The following GPR19 variants were observed in gnomAD, a reference collection of about 807,000 sequenced individuals.
GPR19 encodes the protein probable G protein-coupled receptor 19.
Under a neutral mutation model 28.5 loss-of-function variants are expected in GPR19, and 14 were observed. That is an observed-to-expected ratio of 0.49 (90% CI 0.32 to 0.77). The LOEUF (loss-of-function observed/expected upper bound fraction) is 0.77. GPR19 is among the 30% of genes least tolerant of loss of function. GPR19 has a pLI of 0.03. For missense variants in GPR19, 409 were observed against 504.1 expected (o/e 0.81, Z 1.81); for synonymous variants, 173 against 184.1 (o/e 0.94, Z 0.49).
At chr12:12,690,524 T>C (rs1316663480) in intron 2 of GPR19, among the ~76,000 whole-genome samples, 1 of 152,220 alleles carries the variant, frequency 6.6e-6, no homozygotes, top group African/African-American at 2.4e-5. Flanking sequence ...TCTCTTTCTC[T>C]AGGAGACCAC....
At chr12:12,713,603 G>A in the GPR19 span, among the ~76,000 whole-genome samples, 1 of 152,014 alleles carries the variant, frequency 6.6e-6, no homozygotes, top group Non-Finnish European at 1.5e-5. Flanking sequence ...CAAGATCTTG[G>A]CTCACTGCAA....
At chr12:12,702,549 G>C in the GPR19 span, among the ~76,000 whole-genome samples, 21,366 of 152,142 alleles carry the variant, frequency 0.14, 1,922 homozygotes, top group East Asian at 0.31. Context: ...TTACGGTGAT[G>C]ACTCATTTTA....
In GPR19 at chr12:12,662,369, C is replaced by A; in HGVS notation, c.80G>T (p.Ser27Ile). ...CAGAGGTGTGGCTGTTTCAGTGCAG[C>A]TGCGGTTTTGGAGGGGCACCAGAAG... ...PTLLVPLQNR[S>I]CTETATPLPS... is the part of the protein sequence containing the mutation. Residue 27 changes from serine (S) to isoleucine (I), a missense_variant, in exon 4 of 4, where the codon AGC becomes ATC. Physicochemically the swap from Ser to Ile is moderately radical, Grantham distance 142. Coordinates refer to ENST00000651487, the MANE Select transcript of GPR19 (RefSeq NM_006143.3). 6.2e-7 allele frequency: 1 copy of A among 1,614,154 alleles called. No individual in the cohort carries two copies.
chr12:12,697,873 C>G (rs1350609724), upstream of GPR19, among the ~76,000 whole-genome samples: 1 of 152,112 alleles, frequency 6.6e-6, no homozygotes, highest in African/African-American at 2.4e-5. Context: ...GCTCCATTAT[C>G]TAGAGGTACT....
rs1279604837 is a variant in GPR19, at chr12:12,661,535, T to C, written c.914A>G (p.Tyr305Cys). 16 of 1,613,784 alleles carry C rather than the reference T, an allele frequency of 9.9e-6. No homozygotes were observed. The East Asian group carries it at 1.1e-4, about 11-fold the overall frequency. ...TGTGAAAACAAGGGAACTTTTCTTA[T>C]AGTCTTGTTCATGGGGGTGCCATAG... ...AQLWHPHEQD[Y>C]KKSSLVFTAI... Residue 305 changes from tyrosine to cysteine, a missense_variant, in exon 4 of 4, where the codon TAT becomes TGT. Tyr to Cys is a radical substitution (Grantham distance 194). Coordinates refer to ENST00000651487, the MANE Select transcript of GPR19 (RefSeq NM_006143.3). This position sits in a 1 kb window ranked among gnomAD's most constrained non-coding sequence, Gnocchi z 4.2.
At chr12:12,697,135 C>G (rs1946275994), upstream of GPR19, among the ~76,000 whole-genome samples, 2 of 100,740 alleles carry the variant, frequency 2.0e-5, no homozygotes, top group Admixed American at 3.3e-4. Flanking sequence ...TGATTTAAGA[C>G]TGACTCTTGA....
At chr12:12,676,782 G>A (rs1457231026) in intron 3 of GPR19, among the ~76,000 whole-genome samples, 1 of 152,190 alleles carries the variant, frequency 6.6e-6, no homozygotes, top group East Asian at 1.9e-4. Flanking sequence ...AAATTCTGAA[G>A]AAAACAATTT....
At chr12:12,676,345 A>T (rs74581040) in intron 3 of GPR19, among the ~76,000 whole-genome samples, 1 of 152,244 alleles carries the variant, frequency 6.6e-6, no homozygotes, top group South Asian at 2.1e-4. Context: ...CAGCTCTATG[A>T]GCAAAAAGTG....
the GPR19 span, among the ~76,000 whole-genome samples, chr12:12,714,394 C>G: frequency 6.6e-6 from 1 of 152,160 alleles, no homozygotes; most frequent in Non-Finnish European, 1.5e-5. Flanking sequence ...TGGGAGCTGG[C>G]GACGCTGGCG....
At chr12:12,701,885 C>T in the GPR19 span, among the ~76,000 whole-genome samples, 2 of 139,662 alleles carry the variant, frequency 1.4e-5, no homozygotes, top group African/African-American at 5.4e-5. Flanking sequence ...CATGGCATTG[C>T]ACTCCAGCCT....
In GPR19 at chr12:12,661,644, G is replaced by C. The variant is rs751796319; in HGVS notation, c.805C>G (p.Arg269Gly). The change falls in exon 4 of 4, where the codon CGG becomes GGG. Residue 269 changes from arginine to glycine, a missense_variant. Arg to Gly is a moderately radical substitution (Grantham distance 125, BLOSUM62 -2). Transcript: ENST00000651487. The surrounding 1 kb of genome is among the most constrained non-coding windows in gnomAD (Gnocchi z 4.2). ...ATCTTGATAGTTTTCACTTTTGTCC[G>C]AGGGACAATGTTCATTGTCCTCCTC... The part of the protein sequence containing the change: ...TVRRTMNIVP[R>G]TKVKTIKMFL... 1 of 1,613,528 alleles carries C rather than the reference G, an allele frequency of 6.2e-7. No homozygotes were observed. The highest frequency in any genetic ancestry group is 1.1e-5 in the South Asian group (1 of 91,062).
At chr12:12,675,739 C>T (rs1478252869) in intron 3 of GPR19, among the ~76,000 whole-genome samples, 1 of 152,112 alleles carries the variant, frequency 6.6e-6, no homozygotes, top group Non-Finnish European at 1.5e-5. Flanking sequence ...CACCTGATAG[C>T]CATCAAGGAA....
intron 2 of GPR19, among the ~76,000 whole-genome samples, chr12:12,692,128 T>C (rs1436259741): frequency 6.6e-6 from 1 of 152,210 alleles, no homozygotes; most frequent in African/African-American, 2.4e-5. Context: ...TCTTACTTTG[T>C]TGGTACTAAC....
chr12:12,716,581 T>C, the GPR19 span, among the ~76,000 whole-genome samples: 9 of 151,328 alleles, frequency 5.9e-5, no homozygotes, highest in African/African-American at 1.7e-4. Flanking sequence ...GCTACAAAGT[T>C]TATTAAGGGA....
At chr12:12,675,250 A>C (rs1377847959) in intron 3 of GPR19, among the ~76,000 whole-genome samples, 2 of 152,146 alleles carry the variant, frequency 1.3e-5, no homozygotes, top group African/African-American at 4.8e-5. Context: ...AAAGAGGGAT[A>C]AGTGGAGCCG....
At chr12:12,702,108 C>A in the GPR19 span, among the ~76,000 whole-genome samples, 3 of 151,794 alleles carry the variant, frequency 2.0e-5, no homozygotes, top group Non-Finnish European at 4.4e-5. Flanking sequence ...AATAAAGCTC[C>A]TCCCACTGAA....
the GPR19 span, among the ~76,000 whole-genome samples, chr12:12,706,322 C>T: frequency 6.6e-6 from 1 of 152,208 alleles, no homozygotes; most frequent in East Asian, 1.9e-4. Context: ...TCTCTTGGCT[C>T]TCCTCCACTC....
intron 3 of GPR19, among the ~76,000 whole-genome samples, chr12:12,668,216 TTAAAAAATGCCTA>T (rs1158111421): frequency 1.3e-5 from 2 of 152,238 alleles, no homozygotes; most frequent in Non-Finnish European, 2.9e-5. Context: ...GAAATTCTTT[TTAAAAAATGCCTA>T]TAAAGATGCA....
At chr12:12,697,594 C>T (rs10492236), upstream of GPR19, among the ~76,000 whole-genome samples, 13,440 of 152,188 alleles carry the variant, frequency 0.088, 696 homozygotes, top group East Asian at 0.18. Context: ...TTGAAGACTT[C>T]AACTTGTAAC....
Sources: allele counts gnomAD v4.1 joint callset (sites outside exome capture counted in the v4.1 genomes callset), GRCh38; gene constraint gnomAD v4.1.1; non-coding constraint Gnocchi (gnomAD v3.1); transcripts MANE v1.5; gene names NCBI Gene and HGNC (gene_info 2026-07-23, HGNC 2026-07-21).